The following MFSD11 variants were observed in gnomAD, a reference collection of about 807,000 sequenced individuals.
MFSD11 encodes UNC93-like protein MFSD11.
In MFSD11, 36 loss-of-function variants were observed where a neutral mutation model predicts 53.5. That is an observed-to-expected ratio of 0.67 (90% confidence interval 0.52 to 0.89). MFSD11 has a LOEUF of 0.89. MFSD11 is among the 40% of genes least tolerant of loss of function. MFSD11 has a pLI of 0.00. For missense variants in MFSD11, 530 were observed against 543.9 expected, an observed-to-expected ratio of 0.97 and a Z score of 0.25; for synonymous variants, 186 against 184.9, an observed-to-expected ratio of 1.01 and a Z score of -0.05.
At chr17:76,741,913 T>C in intron 3 of MFSD11, 56 bp from the exon 4 acceptor site, 3 of 1,612,632 alleles carry the variant, frequency 1.9e-6, no homozygotes, top group South Asian at 1.1e-5. Flanking sequence ...AAGGCATAAT[T>C]GGCATTCTAT....
the MFSD11 span, among the ~76,000 whole-genome samples, chr17:76,798,088 A>G: frequency 7.7e-4 from 116 of 151,550 alleles, no homozygotes; most frequent in Admixed American, 2.6e-3. Context: ...GGGTCTCACT[A>G]TGTTGCTCAA....
chr17:76,797,792 A>C, the MFSD11 span, among the ~76,000 whole-genome samples: 1 of 152,128 alleles, frequency 6.6e-6, no homozygotes, highest in Admixed American at 6.6e-5. Context: ...CAGGCCGTCC[A>C]TACTTCTTAC....
chr17:76,758,078 C>T (rs2079829909), intron 8 of MFSD11, among the ~76,000 whole-genome samples: 1 of 151,916 alleles, frequency 6.6e-6, no homozygotes, highest in Non-Finnish European at 1.5e-5. Flanking sequence ...AAACCTATTG[C>T]AGATTCATTT....
chr17:76,799,085 G>A, the MFSD11 span: 6 of 150,552 alleles, frequency 4.0e-5, no homozygotes, highest in African/African-American at 1.5e-4. Flanking sequence ...ATCATAAGAT[G>A]TAGACACAGA....
At chr17:76,775,296 A>G in intron 11 of MFSD11, 125 bp downstream of exon 11, 1 of 773,128 alleles carries the variant, frequency 1.3e-6, no homozygotes, top group Admixed American at 3.1e-5. Context: ...TCATCTGTCA[A>G]GTGTTCATGG....
At chr17:76,747,035 C>T (rs1234155674) in intron 7 of MFSD11, among the ~76,000 whole-genome samples, 15 of 151,702 alleles carry the variant, frequency 9.9e-5, no homozygotes, top group Admixed American at 8.5e-4. Flanking sequence ...TCAGCCTCCT[C>T]AGTAACTGGC....
intron 10 of MFSD11, among the ~76,000 whole-genome samples, chr17:76,772,499 G>C (rs912224760): frequency 6.7e-6 from 1 of 149,980 alleles, no homozygotes; most frequent in Admixed American, 6.6e-5. Flanking sequence ...TATTGTTAAC[G>C]CTCTACCTTA....
chr17:76,744,323 G>A lies in MFSD11; in HGVS notation c.498G>A (p.Glu166=), dbSNP rs2069852980. The A allele has an allele frequency of 1.2e-6, 2 of 1,608,858 alleles. No individual in the cohort carries two copies. The highest frequency in any genetic ancestry group is 1.7e-6 in the Non-Finnish European group (2 of 1,178,560). The change falls in exon 7 of 13, where the codon GAG becomes GAA. Residue 166 remains glutamate, a splice_region_variant and synonymous_variant. Coordinates refer to ENST00000685175, the MANE Select transcript of MFSD11 (RefSeq NM_001242532.5). ...FAWQGKTQIS[E]SDRRTVFIAL... ...TTGTTTCTTCTTTTTTCTCCGTAGA[G>A]AGTGACCGAAGAACAGTGTTTATTG... is the stretch of plus-strand genomic sequence containing the variant.
At chr17:76,755,874 A>C (rs1259058299) in intron 8 of MFSD11, among the ~76,000 whole-genome samples, 2 of 126,514 alleles carry the variant, frequency 1.6e-5, no homozygotes, top group Non-Finnish European at 3.1e-5. Flanking sequence ...CCCAGGCTGG[A>C]ATGCAATGGT....
At position 76,744,358 on chromosome 17, in the gene MFSD11, T is replaced by C. The variant is rs1472176638; in HGVS notation, c.533T>C (p.Val178Ala). Residue 178 changes from valine (V) to alanine (A), a missense_variant, in exon 7 of 13, where the codon GTG becomes GCG. Val to Ala is a moderately conservative substitution (Grantham distance 64). Transcript: ENST00000685175. ...DRRTVFIALTVISLVGTVLFF... is the reference protein window; with the variant it reads ...DRRTVFIALTAISLVGTVLFF... Reference sequence around the variant, plus strand: ...AGAACAGTGTTTATTGCCCTAACGGTGATTAGCCTTGTGGGGACAGTTCTA... The same window carrying C: ...AGAACAGTGTTTATTGCCCTAACGGCGATTAGCCTTGTGGGGACAGTTCTA... The C allele has an allele frequency of 1.2e-6, 2 of 1,614,016 alleles. No individual in the cohort carries two copies. The highest frequency in any genetic ancestry group is 2.2e-5 in the East Asian group (1 of 44,870).
chr17:76,763,420 C>T (rs1025710343), intron 8 of MFSD11, among the ~76,000 whole-genome samples: 1 of 151,914 alleles, frequency 6.6e-6, no homozygotes, highest in Non-Finnish European at 1.5e-5. Flanking sequence ...CATGCTACCC[C>T]TCCCGGCTAA....
intron 2 of MFSD11, 100 bp from the exon 3 acceptor site, chr17:76,740,857 A>G: frequency 1.4e-6 from 1 of 700,202 alleles, no homozygotes; most frequent in Non-Finnish European, 2.5e-6. Flanking sequence ...ATGAGTGTTT[A>G]TTGTAAAATC....
At chr17:76,749,804 C>T (rs1426623545) in intron 7 of MFSD11, among the ~76,000 whole-genome samples, 1 of 150,050 alleles carries the variant, frequency 6.7e-6, no homozygotes, top group Non-Finnish European at 1.5e-5. Context: ...GTAGGAGAAT[C>T]GCTTGAACCA....
the MFSD11 span, among the ~76,000 whole-genome samples, chr17:76,790,716 G>A: frequency 6.8e-6 from 1 of 146,290 alleles, no homozygotes; most frequent in Non-Finnish European, 1.5e-5. Flanking sequence ...CTAGCACTTT[G>A]GGATCACGAG....
the MFSD11 span, among the ~76,000 whole-genome samples, chr17:76,798,723 T>C: frequency 6.6e-6 from 1 of 152,122 alleles, no homozygotes; most frequent in Admixed American, 6.6e-5. Flanking sequence ...TGCTCTATTA[T>C]GATTTAGAAA....
intron 10 of MFSD11, among the ~76,000 whole-genome samples, chr17:76,774,251 T>C (rs992557098): frequency 6.6e-6 from 1 of 152,094 alleles, no homozygotes; most frequent in Non-Finnish European, 1.5e-5. Context: ...ATATATACAA[T>C]TTTTTCTTTC....
intron 9 of MFSD11, among the ~76,000 whole-genome samples, 168 bp downstream of exon 9, chr17:76,767,619 G>A (rs1196994387): frequency 3.9e-5 from 6 of 152,212 alleles, no homozygotes; most frequent in South Asian, 2.1e-4. Context: ...TTCACGTGTC[G>A]CCTTCACTGT....
chr17:76,742,202 C>T lies in MFSD11; in HGVS notation c.366C>T (p.Cys122=), dbSNP rs778141490. 1.9e-6 allele frequency: 3 copies of T among 1,614,038 alleles called. No individual in the cohort carries two copies. The African/African-American group carries it at 4.0e-5, about 22-fold the overall frequency. Residue 122 remains cysteine, a synonymous_variant, in exon 5 of 13, where the codon TGC becomes TGT. Transcript: ENST00000685175. The part of the protein sequence containing the change: ...AAVLWTAQGN[C]LTINSDEHSI... ...TGCTTTGGACAGCACAAGGAAACTG[C>T]CTGACAATCAATTCGGATGAGCACA...
At position 76,775,095 on chromosome 17, in the gene MFSD11, A is replaced by T. The variant is rs1192074504; in HGVS notation, c.973A>T (p.Ile325Leu). 6.2e-7 allele frequency: 1 copy of T among 1,614,000 alleles called. No homozygotes were observed. Among genetic ancestry groups the T allele is most frequent in the East Asian group, 2.2e-5 (1 of 44,878 alleles). Reference protein sequence around the residue: ...ILVHFIAFYLIFLNMPGDAPI... With the variant: ...ILVHFIAFYLLFLNMPGDAPI... ...GGTGCACTTCATAGCTTTTTATCTA[A>T]TATTTCTCAACATGCCTGGAGATGC... Residue 325 changes from isoleucine (I) to leucine (L), a missense_variant, in exon 11 of 13, where the codon ATA becomes TTA. Physicochemically the swap from Ile to Leu is conservative, Grantham distance 5. Transcript: ENST00000685175.
Sources: gnomAD v4.1 joint callset for allele counts (sites outside exome capture counted in the v4.1 genomes callset) on GRCh38, gnomAD v4.1.1 for gene constraint, MANE v1.5 for transcripts, NCBI Gene and HGNC (gene_info 2026-07-23, HGNC 2026-07-21) for gene names.